RAPGEF5: variants seen among roughly 807,000 people sequenced by gnomAD.
RAPGEF5 encodes the protein M-Ras-regulated GEF.
Under a neutral mutation model 125.2 loss-of-function variants are expected in RAPGEF5, and 65 were observed. The observed-to-expected ratio is 0.52, with a 90% CI of 0.43 to 0.64. The LOEUF (loss-of-function observed/expected upper bound fraction) is 0.64, where lower values mean the gene tolerates loss of function less well. Among genes scored for constraint, RAPGEF5 ranks in the 30% least tolerant of loss-of-function variants. The pLI is 0.00. For missense variants in RAPGEF5, 958 were observed against 1,048.1 expected, an observed-to-expected ratio of 0.91 and a Z score of 1.19; for synonymous variants, 391 against 385.9, an observed-to-expected ratio of 1.01 and a Z score of -0.16.
chr7:22,304,090 G>A (rs981723170), intron 5 of RAPGEF5, among the ~76,000 whole-genome samples: 1 of 151,942 alleles, frequency 6.6e-6, no homozygotes, highest in Non-Finnish European at 1.5e-5. Flanking sequence ...TATATTCCAA[G>A]TCTAGATAAG....
rs535576765 is a variant in RAPGEF5, at chr7:22,316,330, A to C, written c.283-854T>G. ...ACATAGTTTTACTTTTTTCTTAGTA[A>C]ATTTTTTATGTATCTACTATATAGA... On this transcript the variant is annotated intron_variant, in intron 2 of 25. Transcript: ENST00000665637. 2.3e-4 allele frequency among the ~76,000 whole-genome samples: 32 copies of C among 139,256 alleles called. No individual in the cohort carries two copies. The South Asian group carries it at 7.4e-3, about 32-fold the overall frequency. 91.4% of individuals were successfully genotyped at this position (139,256 alleles called of 152,430 possible).
At chr7:22,158,022 T>C (rs1013530311) in intron 14 of RAPGEF5, 137 bp from the exon 15 acceptor site, 52 of 750,516 alleles carry the variant, frequency 6.9e-5, no homozygotes, top group Middle Eastern at 6.7e-4. Context: ...TATTCATTAA[T>C]TCACTATGTA....
intron 8 of RAPGEF5, among the ~76,000 whole-genome samples, chr7:22,229,511 T>C (rs1336228517): frequency 1.3e-5 from 2 of 152,238 alleles, no homozygotes; most frequent in South Asian, 2.1e-4. Flanking sequence ...ATTAAATGTA[T>C]ATACATCAAT....
intron 1 of RAPGEF5, among the ~76,000 whole-genome samples, chr7:22,348,823 A>C (rs1001139932): frequency 5.3e-5 from 8 of 152,238 alleles, no homozygotes; most frequent in Admixed American, 4.6e-4. Flanking sequence ...ACGGTGGCTC[A>C]CGCCTGTAAT....
intron 1 of RAPGEF5, among the ~76,000 whole-genome samples, chr7:22,333,032 ATC>A (rs1431130029): frequency 2.0e-5 from 3 of 152,286 alleles, no homozygotes; most frequent in Admixed American, 6.5e-5. Context: ...GCTTTTAATC[ATC>A]TCTTACTCTG....
At position 22,311,719 on chromosome 7, in the gene RAPGEF5, C is replaced by T. The variant is rs76435561; in HGVS notation, c.390-1629G>A. On this transcript the variant is annotated intron_variant, in intron 3 of 25. Coordinates refer to ENST00000665637, the MANE Select transcript of RAPGEF5 (RefSeq NM_012294.5). ...GATTAACAGTCAAATATATGGATTTCTTTTTTTAGAGAAAATGAGAAAACA... is the reference window on the plus strand; with the variant it reads ...GATTAACAGTCAAATATATGGATTTTTTTTTTTAGAGAAAATGAGAAAACA... Among the ~76,000 whole-genome samples the T allele has an allele frequency of 9.1e-3, 1,381 of 152,208 alleles. 18 individuals are homozygous for T. The highest frequency in any genetic ancestry group is 0.051 in the Middle Eastern group (15 of 294).
chr7:22,303,279 G>T (rs1196784629), intron 5 of RAPGEF5, among the ~76,000 whole-genome samples: 1 of 152,092 alleles, frequency 6.6e-6, no homozygotes, highest in Non-Finnish European at 1.5e-5. Flanking sequence ...TACCATAACT[G>T]TTCTTTTTTC....
At chr7:22,273,670 C>T (rs1004994062) in intron 6 of RAPGEF5, among the ~76,000 whole-genome samples, 7 of 152,118 alleles carry the variant, frequency 4.6e-5, no homozygotes, top group African/African-American at 1.7e-4. Flanking sequence ...TAGTCTTCTA[C>T]GATTTTAAAC....
At position 22,275,416 on chromosome 7, in the gene RAPGEF5, T is replaced by G. The variant is rs141026012; in HGVS notation, c.748-8404A>C. On this transcript the variant is annotated intron_variant, in intron 6 of 25. Transcript: ENST00000665637. ...ATGTTTACAGTTGTTACTGAGAAGG[T>G]GTAGGGGGAACATGATCATTAACTT... is the stretch of plus-strand genomic sequence containing the variant. Among the ~76,000 whole-genome samples the G allele has an allele frequency of 4.6e-5, 7 of 152,274 alleles. No homozygotes were observed. In the East Asian group the frequency reaches 1.3e-3, roughly 29 times the overall value.
At chr7:22,124,321 A>G (rs1212388745) in intron 25 of RAPGEF5, among the ~76,000 whole-genome samples, 1 of 152,234 alleles carries the variant, frequency 6.6e-6, no homozygotes, top group African/African-American at 2.4e-5. Flanking sequence ...ATGCTTATAC[A>G]TTTCAGTGAA....
intron 8 of RAPGEF5, among the ~76,000 whole-genome samples, chr7:22,227,386 C>A (rs1239284301): frequency 2.6e-5 from 4 of 152,018 alleles, no homozygotes; most frequent in Non-Finnish European, 5.9e-5. Flanking sequence ...AATTAGTTAC[C>A]AAATATTTAG....
chr7:22,209,246 GCT>G (rs1011327112), intron 9 of RAPGEF5, among the ~76,000 whole-genome samples: 4 of 152,262 alleles, frequency 2.6e-5, no homozygotes, highest in African/African-American at 9.6e-5. Context: ...AATAAAATTG[GCT>G]CTCTCTTTTG....
chr7:22,259,749 C>T (rs1782100027), intron 7 of RAPGEF5, among the ~76,000 whole-genome samples: 1 of 152,214 alleles, frequency 6.6e-6, no homozygotes, highest in Non-Finnish European at 1.5e-5. Context: ...ACGTATTGTA[C>T]GATTCCAACC....
intron 9 of RAPGEF5, among the ~76,000 whole-genome samples, chr7:22,207,019 T>C (rs921433575): frequency 1.3e-4 from 20 of 152,178 alleles, no homozygotes; most frequent in Non-Finnish European, 2.6e-4. Flanking sequence ...AATAGGTTGA[T>C]ATAAGTCGCA....
chr7:22,296,133 G>A (rs758471974), intron 5 of RAPGEF5, among the ~76,000 whole-genome samples: 5 of 152,104 alleles, frequency 3.3e-5, no homozygotes, highest in Non-Finnish European at 5.9e-5. Flanking sequence ...ACATGACTGG[G>A]TGAGGGCACA....
At chr7:22,148,550 T>C (rs1783517616) in intron 18 of RAPGEF5, among the ~76,000 whole-genome samples, 1 of 152,224 alleles carries the variant, frequency 6.6e-6, no homozygotes, top group Admixed American at 6.5e-5. Flanking sequence ...CTGACATCTT[T>C]TGGTGATGAA....
intron 6 of RAPGEF5, among the ~76,000 whole-genome samples, chr7:22,286,585 T>A (rs990051318): frequency 4.6e-5 from 7 of 152,230 alleles, no homozygotes; most frequent in Non-Finnish European, 1.0e-4. Context: ...TATTTAAGAA[T>A]GTTCATGTTT....
Position 22,154,569 on chromosome 7 carries a change from C to G in RAPGEF5, c.1672G>C (p.Val558Leu), listed in dbSNP as rs1351761719. 6.2e-7 allele frequency: 1 copy of G among 1,613,836 alleles called. No individual in the cohort carries two copies. Residue 558 changes from valine (V) to leucine (L), a missense_variant, in exon 17 of 26, where the codon GTC becomes CTC. By Grantham distance (32) the Val-to-Leu change is conservative. Coordinates refer to ENST00000665637, the MANE Select transcript of RAPGEF5 (RefSeq NM_012294.5). ...CHVYITEHSY[V>L]SVKAKVSSIA... ...CTGGAAACTTTTGCCTTCACACTGA[C>G]ATAGGAGTGCTCTGTTATATACACG...
intron 1 of RAPGEF5, among the ~76,000 whole-genome samples, chr7:22,337,420 G>A (rs1255247425): frequency 6.6e-6 from 1 of 152,174 alleles, no homozygotes; most frequent in Non-Finnish European, 1.5e-5. Context: ...ATTTACAGGA[G>A]TAATTGAGGA....
Sources: allele counts gnomAD v4.1 joint callset (sites outside exome capture counted in the v4.1 genomes callset), GRCh38; gene constraint gnomAD v4.1.1; transcripts MANE v1.5; gene names NCBI Gene and HGNC (gene_info 2026-07-23, HGNC 2026-07-21).